TTC27: variants seen among roughly 807,000 people sequenced by gnomAD.
TTC27 encodes the protein tetratricopeptide repeat protein 27.
TTC27 carries 79 observed loss-of-function variants against 115.9 expected under a neutral mutation model. That is an observed-to-expected ratio of 0.68 (90% CI 0.57 to 0.82). The LOEUF (loss-of-function observed/expected upper bound fraction) is 0.82. Ranked by LOEUF, TTC27 falls within the 40% of genes least tolerant of loss-of-function variation. TTC27 has a pLI of 0.00. For synonymous variants in TTC27, 401 were observed against 356.0 expected, an observed-to-expected ratio of 1.13 and a Z score of -1.42; for missense variants, 1,054 against 993.1, an observed-to-expected ratio of 1.06 and a Z score of -0.82.
chr2:32,804,616 G>A (rs567640272), intron 16 of TTC27, among the ~76,000 whole-genome samples: 37 of 152,022 alleles, frequency 2.4e-4, no homozygotes, highest in African/African-American at 8.9e-4. Flanking sequence ...AGATAAAACA[G>A]TTTACATAAT....
intron 16 of TTC27, among the ~76,000 whole-genome samples, chr2:32,798,150 T>TA (rs1436651772): frequency 2.7e-5 from 4 of 149,572 alleles, no homozygotes; most frequent in Non-Finnish European, 5.9e-5. Context: ...CTCACACCTG[T>TA]AATCCCAGCA....
intron 16 of TTC27, among the ~76,000 whole-genome samples, chr2:32,796,885 T>C (rs1319723646): frequency 6.6e-6 from 1 of 151,684 alleles, no homozygotes; most frequent in East Asian, 1.9e-4. Flanking sequence ...TAAGAGACAG[T>C]GTCTCGGCTG....
At chr2:32,755,586 A>G (rs1371546920) in intron 12 of TTC27, among the ~76,000 whole-genome samples, 2 of 151,624 alleles carry the variant, frequency 1.3e-5, no homozygotes, top group Non-Finnish European at 2.9e-5. Flanking sequence ...AGAGAGGGAG[A>G]GGGAGACGGT....
intron 12 of TTC27, among the ~76,000 whole-genome samples, 186 bp downstream of exon 12, chr2:32,737,002 A>C (rs2151916777): frequency 6.6e-6 from 1 of 152,320 alleles, no homozygotes; most frequent in South Asian, 2.1e-4. Context: ...AAAATTTTTA[A>C]GAAAGACTAA....
chr2:32,741,802 C>G (rs998889371), intron 12 of TTC27, among the ~76,000 whole-genome samples: 1 of 152,158 alleles, frequency 6.6e-6, no homozygotes, highest in Non-Finnish European at 1.5e-5. Flanking sequence ...TTGAAGCAAT[C>G]TCCATGTAGG....
intron 13 of TTC27, among the ~76,000 whole-genome samples, chr2:32,765,652 A>G (rs1179303300): frequency 2.0e-5 from 3 of 152,216 alleles, no homozygotes; most frequent in Non-Finnish European, 2.9e-5. Flanking sequence ...ATCTTCTTCT[A>G]AAAGAAGGTT....
At chr2:32,629,340 G>C (rs1462170882) in intron 1 of TTC27, among the ~76,000 whole-genome samples, 1 of 151,544 alleles carries the variant, frequency 6.6e-6, no homozygotes, top group African/African-American at 2.4e-5. Flanking sequence ...GGCTGGTCTG[G>C]AACTCCTGAC....
intron 13 of TTC27, among the ~76,000 whole-genome samples, chr2:32,763,180 C>A (rs534323193): frequency 6.6e-6 from 1 of 152,122 alleles, no homozygotes; most frequent in Non-Finnish European, 1.5e-5. Flanking sequence ...TTCAGGCGGG[C>A]GGTAAACCAT....
In TTC27 at chr2:32,630,563, T is replaced by G. The variant is rs1291131389; in HGVS notation, c.129T>G (p.Tyr43Ter). ...TACAATTGCTACTGGAAGGGAACTA[T>G]GAAGCCATATTCTTAAATTCAATGA... is the stretch of plus-strand genomic sequence containing the variant. ...SFLQLLLEGN[Y>*]EAIFLNSMTQ... The change falls in exon 2 of 20, where the codon TAT becomes TAG. Residue 43 changes from tyrosine to a stop codon, truncating the protein, a stop_gained. Coordinates refer to ENST00000317907, the MANE Select transcript of TTC27 (RefSeq NM_017735.5). LOFTEE classifies it high-confidence loss of function. 1.1e-5 allele frequency: 17 copies of G among 1,612,504 alleles called. No individual in the cohort carries two copies. Among genetic ancestry groups the G allele is most frequent in the Non-Finnish European group, 1.4e-5 (17 of 1,179,370 alleles).
chr2:32,698,204 G>A (rs899762571), intron 9 of TTC27, among the ~76,000 whole-genome samples: 1 of 151,954 alleles, frequency 6.6e-6, no homozygotes, highest in East Asian at 1.9e-4. Context: ...TGTGATCATG[G>A]CTCACTGCAG....
intron 12 of TTC27, among the ~76,000 whole-genome samples, chr2:32,751,608 C>T (rs967191791): frequency 3.9e-5 from 6 of 152,084 alleles, no homozygotes; most frequent in East Asian, 1.9e-4. Context: ...AACCACTCAT[C>T]GTGATGATGT....
chr2:32,734,006 A>G, intron 11 of TTC27, 83 bp downstream of exon 11: 1 of 979,726 alleles, frequency 1.0e-6, no homozygotes, highest in South Asian at 1.7e-5. Context: ...ATTTTAATTT[A>G]TGTTTGAATT....
At chr2:32,672,778 A>G (rs977221661) in intron 8 of TTC27, among the ~76,000 whole-genome samples, 7 of 152,192 alleles carry the variant, frequency 4.6e-5, no homozygotes, top group Admixed American at 4.6e-4. Flanking sequence ...TTTTCTGATT[A>G]GAAATAATTT....
At chr2:32,788,967 C>T (rs1364632662) in intron 16 of TTC27, among the ~76,000 whole-genome samples, 1 of 152,132 alleles carries the variant, frequency 6.6e-6, no homozygotes, top group Non-Finnish European at 1.5e-5. Flanking sequence ...TGAAACTATC[C>T]TAAGCACTTC....
intron 4 of TTC27, among the ~76,000 whole-genome samples, chr2:32,645,758 C>G (rs990189427): frequency 6.6e-6 from 1 of 151,978 alleles, no homozygotes; most frequent in African/African-American, 2.4e-5. Flanking sequence ...ACTCTGTCGC[C>G]CAGGCTGGAG....
intron 7 of TTC27, among the ~76,000 whole-genome samples, chr2:32,667,372 G>C (rs1175969831): frequency 6.8e-6 from 1 of 146,484 alleles, no homozygotes; most frequent in East Asian, 2.0e-4. Context: ...AAGCCGTTTA[G>C]TATTTATGCA....
At chr2:32,816,143 A>G (rs147445926) in intron 18 of TTC27, among the ~76,000 whole-genome samples, 89 of 152,104 alleles carry the variant, frequency 5.9e-4, no homozygotes, top group African/African-American at 2.0e-3. Flanking sequence ...CCCCATCTCT[A>G]CCAAAAAATT....
intron 9 of TTC27, among the ~76,000 whole-genome samples, chr2:32,698,810 T>C (rs1462989165): frequency 6.6e-6 from 1 of 152,120 alleles, no homozygotes; most frequent in Non-Finnish European, 1.5e-5. Flanking sequence ...GAAAAAATAT[T>C]TTAAGTAGTG....
chr2:32,679,113 T>A (rs1666330412), intron 9 of TTC27, among the ~76,000 whole-genome samples, 191 bp downstream of exon 9: 1 of 152,184 alleles, frequency 6.6e-6, no homozygotes, highest in Admixed American at 6.5e-5. Flanking sequence ...AACTCTTAAA[T>A]TGAGTGCTAT....
Sources: allele counts gnomAD v4.1 joint callset (sites outside exome capture counted in the v4.1 genomes callset), GRCh38; gene constraint gnomAD v4.1.1; transcripts MANE v1.5; gene names NCBI Gene and HGNC (gene_info 2026-07-23, HGNC 2026-07-21).